Variants in ADGRV1 observed in about 807,000 individuals in gnomAD.
ADGRV1 encodes G-protein coupled receptor 98.
ADGRV1 carries 359 observed loss-of-function variants against 596.2 expected under a neutral mutation model. The observed-to-expected ratio is 0.60, with a 90% CI of 0.55 to 0.66. The LOEUF (loss-of-function observed/expected upper bound fraction) is 0.66, where lower values mean the gene tolerates loss of function less well. Among genes scored for constraint, ADGRV1 ranks in the 30% least tolerant of loss-of-function variants. The probability of loss-of-function intolerance (pLI) is 0.00; values close to 1 mark genes in which losing one functional copy is unlikely to be tolerated. For synonymous variants in ADGRV1, 2,681 were observed against 2,679.2 expected (o/e 1.00, Z -0.02); for missense variants, 7,274 against 7,575.6 (o/e 0.96, Z 1.48).
intron 85 of ADGRV1, among the ~76,000 whole-genome samples, chr5:91,017,856 A>T (rs1196548338): frequency 3.9e-5 from 6 of 151,906 alleles, no homozygotes; most frequent in African/African-American, 1.4e-4. Flanking sequence ...GAGGATTCTA[A>T]TGCAGATTGA....
intron 83 of ADGRV1, among the ~76,000 whole-genome samples, chr5:90,892,071 T>G (rs770629162): frequency 7.2e-5 from 11 of 151,984 alleles, no homozygotes; most frequent in Non-Finnish European, 1.5e-4. Flanking sequence ...TGATTCTAGT[T>G]TCAAGGGGAA....
intron 21 of ADGRV1, among the ~76,000 whole-genome samples, chr5:90,661,474 C>T (rs916135204): frequency 2.6e-5 from 4 of 151,918 alleles, no homozygotes; most frequent in African/African-American, 7.3e-5. Context: ...TGGTATAATC[C>T]GATATCACCA....
At chr5:90,683,432 G>A (rs1745199834) in intron 27 of ADGRV1, among the ~76,000 whole-genome samples, 154 bp from the exon 28 acceptor site, 3 of 152,252 alleles carry the variant, frequency 2.0e-5, no homozygotes, top group South Asian at 4.1e-4. Flanking sequence ...TTCAAAGATG[G>A]ATAGTATATG....
rs924996396 is a variant in ADGRV1, at chr5:90,948,474, G to A, written c.17857-16941G>A. ...GAAGAACAAACAGTGGATAACATAAGTGTTACCAGTAGGAATATCTGCTTA... is the reference window on the plus strand; with the variant it reads ...GAAGAACAAACAGTGGATAACATAAATGTTACCAGTAGGAATATCTGCTTA... On this transcript the variant is annotated intron_variant, in intron 83 of 89. Coordinates refer to ENST00000405460, the MANE Select transcript of ADGRV1 (RefSeq NM_032119.4). 7.2e-5 allele frequency among the ~76,000 whole-genome samples: 11 copies of A among 152,048 alleles called. No homozygotes were observed. In the East Asian group the frequency reaches 1.9e-3, roughly 27 times the overall value.
At chr5:91,103,456 G>T (rs531585727) in intron 87 of ADGRV1, among the ~76,000 whole-genome samples, 1 of 150,820 alleles carries the variant, frequency 6.6e-6, no homozygotes, top group Non-Finnish European at 1.5e-5. Flanking sequence ...TTTTGAGAGT[G>T]AGTAGGGGCC....
In ADGRV1 at chr5:90,842,531, C is replaced by T. The variant is rs147455591; in HGVS notation, c.17019+1546C>T. Among the ~76,000 whole-genome samples the T allele has an allele frequency of 1.8e-3, 272 of 152,112 alleles. 2 individuals carry two copies. The highest frequency in any genetic ancestry group is 6.2e-3 in the African/African-American group (258 of 41,514). ...GTCAGGAGTTCAAGACCACCGTGGC[C>T]AACATGTGAAACCCTGTCTCTACTA... is the stretch of plus-strand genomic sequence containing the variant. On this transcript the variant is annotated intron_variant, in intron 78 of 89. Coordinates refer to ENST00000405460, the MANE Select transcript of ADGRV1 (RefSeq NM_032119.4).
intron 17 of ADGRV1, among the ~76,000 whole-genome samples, chr5:90,649,339 A>T (rs1768261550): frequency 6.6e-6 from 1 of 152,116 alleles, no homozygotes; most frequent in South Asian, 2.1e-4. Context: ...GTTCTTGATG[A>T]CATTTATTAA....
At chr5:91,123,218 T>G (rs535993724) in intron 87 of ADGRV1, among the ~76,000 whole-genome samples, 13 of 152,348 alleles carry the variant, frequency 8.5e-5, no homozygotes, top group Admixed American at 2.0e-4. Context: ...AAAGAGTGGC[T>G]ATACGTAATA....
chr5:90,691,734 TG>T (rs1561536826), intron 31 of ADGRV1, among the ~76,000 whole-genome samples: 1 of 152,144 alleles, frequency 6.6e-6, no homozygotes, highest in Non-Finnish European at 1.5e-5. Flanking sequence ...TTGGCTTGGG[TG>T]TGAGCCAGTC....
chr5:90,750,086 A>G (rs1755074939), intron 52 of ADGRV1, among the ~76,000 whole-genome samples: 1 of 152,176 alleles, frequency 6.6e-6, no homozygotes, highest in African/African-American at 2.4e-5. Context: ...GTTGGAAACC[A>G]TATAGGTCAA....
At chr5:90,959,116 A>G (rs1777753094) in intron 83 of ADGRV1, among the ~76,000 whole-genome samples, 1 of 152,208 alleles carries the variant, frequency 6.6e-6, no homozygotes, top group South Asian at 2.1e-4. Flanking sequence ...TCTACAAAAC[A>G]GCTCCTCAAA....
At chr5:90,571,979 C>T (rs957421871) in intron 1 of ADGRV1, among the ~76,000 whole-genome samples, 30 of 152,084 alleles carry the variant, frequency 2.0e-4, no homozygotes, top group African/African-American at 6.8e-4. Context: ...TGCTAGTTTT[C>T]TCATTATTTT....
chr5:90,922,928 C>T (rs1261014023), intron 83 of ADGRV1, among the ~76,000 whole-genome samples: 2 of 152,080 alleles, frequency 1.3e-5, no homozygotes, highest in South Asian at 2.1e-4. Flanking sequence ...AATGTGGAGC[C>T]CTCAAAACCT....
intron 21 of ADGRV1, among the ~76,000 whole-genome samples, chr5:90,662,017 G>C (rs556662152): frequency 4.1e-4 from 62 of 152,048 alleles, no homozygotes; most frequent in African/African-American, 1.4e-3. Flanking sequence ...ACAATCTCTG[G>C]CTAGGGGAGA....
intron 57 of ADGRV1, among the ~76,000 whole-genome samples, chr5:90,758,973 T>C (rs1165946177): frequency 1.3e-5 from 2 of 152,194 alleles, no homozygotes; most frequent in Admixed American, 1.3e-4. Flanking sequence ...GTAAGTTTCA[T>C]ATCATGTAAT....
chr5:90,646,208 A>G (rs769700271), intron 16 of ADGRV1, 117 bp downstream of exon 16: 1 of 482,624 alleles, frequency 2.1e-6, no homozygotes, highest in Non-Finnish European at 3.1e-6. Context: ...ATTTATATAC[A>G]TATATATTTA....
At chr5:90,854,348 C>A (rs1490780047) in intron 81 of ADGRV1, 147 bp downstream of exon 81, 3 of 583,926 alleles carry the variant, frequency 5.1e-6, no homozygotes, top group Non-Finnish European at 8.8e-6. Flanking sequence ...GAGGAAGCAG[C>A]ATAGGAAATG....
At chr5:90,981,343 G>A (rs1780059884) in intron 84 of ADGRV1, among the ~76,000 whole-genome samples, 1 of 152,178 alleles carries the variant, frequency 6.6e-6, no homozygotes, top group Non-Finnish European at 1.5e-5. Flanking sequence ...AGTGAGCAGA[G>A]GGGTAACTTT....
chr5:90,564,510 A>G (rs1176132953), intron 1 of ADGRV1, among the ~76,000 whole-genome samples: 5 of 152,216 alleles, frequency 3.3e-5, no homozygotes, highest in Non-Finnish European at 7.3e-5. Flanking sequence ...AAGAAGAGAA[A>G]GAGATAGCTG....
Sources: gnomAD v4.1 joint callset for allele counts (sites outside exome capture counted in the v4.1 genomes callset) on GRCh38, gnomAD v4.1.1 for gene constraint, MANE v1.5 for transcripts, NCBI Gene and HGNC (gene_info 2026-07-23, HGNC 2026-07-21) for gene names.